Variants in PLCB1 observed in about 807,000 individuals in gnomAD.
PLCB1 encodes the protein phospholipase C beta 1.
PLCB1 carries 46 observed loss-of-function variants against 161.8 expected under a neutral mutation model. The observed-to-expected ratio is 0.28, with a 90% CI of 0.22 to 0.36. The LOEUF (loss-of-function observed/expected upper bound fraction) is 0.36. Among genes scored for constraint, PLCB1 ranks in the 10% least tolerant of loss-of-function variants. PLCB1 has a pLI of 1.00. For synonymous variants in PLCB1, 517 were observed against 503.7 expected, an observed-to-expected ratio of 1.03 and a Z score of -0.35; for missense variants, 1,016 against 1,472.5, an observed-to-expected ratio of 0.69 and a Z score of 5.07.
At chr20:8,230,046 G>A (rs181119505) in intron 2 of PLCB1, among the ~76,000 whole-genome samples, 26 of 97,772 alleles carry the variant, frequency 2.7e-4, no homozygotes, top group Middle Eastern at 0.01. Flanking sequence ...ACAGAGTTGC[G>A]ACTTGGCAGC....
At chr20:8,660,781 A>ACTTTATC (rs1989600415) in intron 9 of PLCB1, among the ~76,000 whole-genome samples, 1 of 152,150 alleles carries the variant, frequency 6.6e-6, no homozygotes, top group African/African-American at 2.4e-5. Context: ...TTTAAAGGCA[A>ACTTTATC]CTTTATCTGT....
chr20:8,798,025 C>G (rs6086600), intron 31 of PLCB1, among the ~76,000 whole-genome samples: 44,204 of 151,966 alleles, frequency 0.29, 6,864 homozygotes, highest in African/African-American at 0.4. Flanking sequence ...GAAACACTGA[C>G]TCTATTAAAA....
chr20:8,579,740 C>T (rs1986775913), intron 3 of PLCB1, among the ~76,000 whole-genome samples: 1 of 151,882 alleles, frequency 6.6e-6, no homozygotes, highest in African/African-American at 2.4e-5. Flanking sequence ...ACACTAAGAA[C>T]CAGGTGACTA....
At chr20:8,469,879 G>A (rs1981978103) in intron 3 of PLCB1, among the ~76,000 whole-genome samples, 1 of 152,072 alleles carries the variant, frequency 6.6e-6, no homozygotes, top group South Asian at 2.1e-4. Flanking sequence ...TGTAATTTTA[G>A]AACATTTTGT....
chr20:8,164,502 G>A (rs73080228), intron 2 of PLCB1, among the ~76,000 whole-genome samples: 8,584 of 152,108 alleles, frequency 0.056, 287 homozygotes, highest in Middle Eastern at 0.13. Flanking sequence ...GTGCTCACTA[G>A]CCACCTGTGT....
At chr20:8,411,662 G>A (rs970061696) in intron 3 of PLCB1, among the ~76,000 whole-genome samples, 1 of 152,142 alleles carries the variant, frequency 6.6e-6, no homozygotes, top group African/African-American at 2.4e-5. Flanking sequence ...GACCCCAATA[G>A]CAGAAGAGCA....
intron 2 of PLCB1, among the ~76,000 whole-genome samples, chr20:8,307,578 T>C (rs568472388): frequency 6.6e-6 from 1 of 152,236 alleles, no homozygotes; most frequent in Admixed American, 6.5e-5. Flanking sequence ...TTATTTTTGG[T>C]TCAGCACTTC....
chr20:8,174,019 C>G (rs908743430), intron 2 of PLCB1, among the ~76,000 whole-genome samples: 1 of 152,072 alleles, frequency 6.6e-6, no homozygotes, highest in African/African-American at 2.4e-5. Flanking sequence ...AACAAAATTT[C>G]TAAGATTTCT....
intron 3 of PLCB1, among the ~76,000 whole-genome samples, chr20:8,557,834 CATA>C (rs1228398529): frequency 2.0e-5 from 3 of 151,820 alleles, no homozygotes; most frequent in African/African-American, 4.8e-5. Flanking sequence ...GGAGTTACCA[CATA>C]ATAATATTCA....
chr20:8,478,019 T>C (rs568268785), intron 3 of PLCB1, among the ~76,000 whole-genome samples: 32 of 152,312 alleles, frequency 2.1e-4, no homozygotes, highest in African/African-American at 7.7e-4. Context: ...TTAAATCTAT[T>C]GAGTAAAATT....
intron 3 of PLCB1, among the ~76,000 whole-genome samples, chr20:8,503,114 A>C (rs1461133465): frequency 1.3e-5 from 2 of 152,216 alleles, no homozygotes; most frequent in African/African-American, 4.8e-5. Context: ...GTGAAGATCA[A>C]ATTAGTTAAT....
intron 3 of PLCB1, among the ~76,000 whole-genome samples, chr20:8,624,514 G>C (rs1988276837): frequency 6.6e-6 from 1 of 152,126 alleles, no homozygotes. Flanking sequence ...ATTCAAACCA[G>C]CATTTAACTC....
chr20:8,548,853 G>C (rs1424819573), intron 3 of PLCB1, among the ~76,000 whole-genome samples: 1 of 152,186 alleles, frequency 6.6e-6, no homozygotes, highest in Non-Finnish European at 1.5e-5. Flanking sequence ...GCTTTACTGA[G>C]CTCTGAATGT....
chr20:8,365,086 C>T (rs1319612280), intron 2 of PLCB1, among the ~76,000 whole-genome samples: 1 of 152,164 alleles, frequency 6.6e-6, no homozygotes, highest in Non-Finnish European at 1.5e-5. Context: ...TCAGTACTCG[C>T]TGCTTGCTAA....
intron 2 of PLCB1, among the ~76,000 whole-genome samples, chr20:8,327,930 T>C (rs1336024104): frequency 1.3e-5 from 2 of 152,086 alleles, no homozygotes; most frequent in African/African-American, 2.4e-5. Context: ...ATTAGTGTTA[T>C]ATACATATAC....
At chr20:8,726,897 G>A (rs1979968354) in intron 16 of PLCB1, among the ~76,000 whole-genome samples, 3 of 152,092 alleles carry the variant, frequency 2.0e-5, no homozygotes, top group Admixed American at 6.6e-5. Context: ...GAGATAGTCA[G>A]CACCTAGCAC....
intron 2 of PLCB1, among the ~76,000 whole-genome samples, chr20:8,344,029 T>C (rs1600330474): frequency 2.0e-5 from 3 of 152,322 alleles, no homozygotes; most frequent in African/African-American, 7.2e-5. Context: ...TGTTCTGTCC[T>C]GCTCTGACCT....
intron 2 of PLCB1, among the ~76,000 whole-genome samples, chr20:8,337,011 T>A (rs1397391089): frequency 6.6e-6 from 1 of 152,212 alleles, no homozygotes; most frequent in Non-Finnish European, 1.5e-5. Flanking sequence ...CATTTCTATA[T>A]GTCTAATTCA....
intron 3 of PLCB1, among the ~76,000 whole-genome samples, chr20:8,507,905 G>A (rs986310028): frequency 2.6e-5 from 4 of 152,122 alleles, no homozygotes; most frequent in African/African-American, 9.7e-5. Context: ...CTTTTCTAAT[G>A]CCATGATTTT....
Sources: allele counts gnomAD v4.1 joint callset (sites outside exome capture counted in the v4.1 genomes callset), GRCh38; gene constraint gnomAD v4.1.1; transcripts MANE v1.5; gene names NCBI Gene and HGNC (gene_info 2026-07-23, HGNC 2026-07-21).